The following FLT3 variants were observed in gnomAD, a reference collection of about 807,000 sequenced individuals.
The protein encoded by FLT3 is receptor-type tyrosine-protein kinase FLT3.
In FLT3, 46 loss-of-function variants were observed where a neutral mutation model predicts 126.6. That is an observed-to-expected ratio of 0.36 (90% CI 0.29 to 0.46). FLT3 has a LOEUF of 0.46. FLT3 is among the 20% of genes least tolerant of loss of function. The pLI is 1.00. For missense variants in FLT3, 1,069 were observed against 1,190.3 expected (o/e 0.90, Z 1.50); for synonymous variants, 404 against 434.4 (o/e 0.93, Z 0.87).
rs1264269565 is a variant in FLT3, at chr13:28,072,921, C to T, written c.44-2309G>A. ...TCGGGAGGCTGAGGCAGGAGAATAGCGTAAACCCGGGAGGCGGAGCTTGCA... is the reference window on the plus strand; with the variant it reads ...TCGGGAGGCTGAGGCAGGAGAATAGTGTAAACCCGGGAGGCGGAGCTTGCA... On this transcript the variant is annotated intron_variant, in intron 1 of 23. Coordinates refer to ENST00000241453, the MANE Select transcript of FLT3 (RefSeq NM_004119.3). 2.0e-5 allele frequency among the ~76,000 whole-genome samples: 3 copies of T among 152,112 alleles called. 1 individual carries two copies. The highest frequency in any genetic ancestry group is 6.8e-3 in the Middle Eastern group (2 of 294).
chr13:28,049,284 G>A (rs1007995579), intron 8 of FLT3, 100 bp downstream of exon 8: 22 of 1,058,662 alleles, frequency 2.1e-5, no homozygotes, highest in Non-Finnish European at 2.9e-5. Flanking sequence ...GTGTTTGATA[G>A]TAGCATTATA....
intron 1 of FLT3, among the ~76,000 whole-genome samples, chr13:28,097,970 C>T (rs1456403977): frequency 6.6e-6 from 1 of 152,086 alleles, no homozygotes; most frequent in Non-Finnish European, 1.5e-5. Flanking sequence ...ATGTTCCTCT[C>T]CTTCAAATGC....
chr13:28,098,953 A>G (rs1316085586), intron 1 of FLT3, among the ~76,000 whole-genome samples: 1 of 152,120 alleles, frequency 6.6e-6, no homozygotes, highest in African/African-American at 2.4e-5. Flanking sequence ...CTACCTGGGG[A>G]GGGGGTACTG....
chr13:28,066,546 T>C (rs1405949286), intron 2 of FLT3, among the ~76,000 whole-genome samples: 1 of 152,160 alleles, frequency 6.6e-6, no homozygotes, highest in African/African-American at 2.4e-5. Flanking sequence ...AAAACTGAAG[T>C]AGTTCCTAAT....
In FLT3 at chr13:28,048,439, C is replaced by A; in HGVS notation, c.1041G>T (p.Lys347Asn). 1 of 1,589,760 alleles carries A rather than the reference C, an allele frequency of 6.3e-7. No homozygotes were observed. Among genetic ancestry groups the A allele is most frequent in the South Asian group, 1.1e-5 (1 of 89,554 alleles). ...TTGAATTGGTAGCATTTATAAATCC[C>A]TTTTCTGTAAGAAAAAATAGGCATT... Reference protein sequence around the residue: ...SQSALVTIVEKGFINATNSSE... With the variant: ...SQSALVTIVENGFINATNSSE... Residue 347 changes from lysine (K) to asparagine (N), a missense_variant, in exon 9 of 24, where the codon AAG becomes AAT. Physicochemically the swap from Lys to Asn is moderately conservative, Grantham distance 94. Transcript: ENST00000241453.
At chr13:28,050,279 T>G in intron 5 of FLT3, 57 bp from the exon 6 acceptor site, 1 of 1,560,170 alleles carries the variant, frequency 6.4e-7, no homozygotes. Context: ...TACAAATGAA[T>G]GCTCAAGAGG....
rs35748326 is a variant in FLT3 at position 28,065,645 on chromosome 13, G to GTAATAATAA, written c.166-3585_166-3577dup. 4.1e-3 allele frequency among the ~76,000 whole-genome samples: 445 copies of GTAATAATAA among 108,300 alleles called. 16 individuals are homozygous for GTAATAATAA. The highest frequency in any genetic ancestry group is 0.019 in the Middle Eastern group (4 of 210). 71.0% of individuals were successfully genotyped at this position (108,300 alleles called of 152,430 possible). Reference sequence around the variant, plus strand: ...CAACGGAGCGAGATCTTGTCTCAAAGTAATAATAATAATAATAATAATAAT... The same window carrying GTAATAATAA: ...CAACGGAGCGAGATCTTGTCTCAAAGTAATAATAATAATAATAATAATAATAATAATAAT... On this transcript the variant is annotated intron_variant, in intron 2 of 23. Transcript: ENST00000241453.
At chr13:28,087,481 T>G (rs1471938638) in intron 1 of FLT3, among the ~76,000 whole-genome samples, 1 of 152,226 alleles carries the variant, frequency 6.6e-6, no homozygotes, top group East Asian at 1.9e-4. Flanking sequence ...TTAACCAATT[T>G]GATGATAATT....
At chr13:28,024,129 C>A (rs1220427175) in intron 18 of FLT3, among the ~76,000 whole-genome samples, 2 of 98,804 alleles carry the variant, frequency 2.0e-5, no homozygotes, top group Non-Finnish European at 4.7e-5. Context: ...CTTTTTTTTT[C>A]TTTCTTTCTT....
chr13:28,047,294 C>T (rs4771206), intron 9 of FLT3, among the ~76,000 whole-genome samples: 144,026 of 152,274 alleles, frequency 0.95, 68,640 homozygotes, highest in East Asian at 1. Flanking sequence ...TGTCTCATAG[C>T]CTAGTCCAAA....
chr13:28,026,943 T>C (rs775629805), intron 17 of FLT3, 145 bp downstream of exon 17: 3 of 699,676 alleles, frequency 4.3e-6, no homozygotes, highest in South Asian at 3.6e-5. Flanking sequence ...AGGGAAACTA[T>C]AGCAAAGATT....
intron 23 of FLT3, among the ~76,000 whole-genome samples, chr13:28,012,472 C>T (rs532676908): frequency 8.5e-5 from 13 of 152,234 alleles, no homozygotes; most frequent in African/African-American, 3.1e-4. Context: ...CAGCCATCTA[C>T]TTGCCACTCT....
In FLT3 at chr13:28,020,593, G is replaced by A. The variant is rs886656033; in HGVS notation, c.2419-2004C>T. Among the ~76,000 whole-genome samples the A allele has an allele frequency of 4.6e-5, 7 of 152,040 alleles. No individual in the cohort carries two copies. The South Asian group carries it at 8.3e-4, about 18-fold the overall frequency. On this transcript the variant is annotated intron_variant, in intron 19 of 23. Coordinates refer to ENST00000241453, the MANE Select transcript of FLT3 (RefSeq NM_004119.3). ...AACTCTTGGCCTCAAGCAATCCACCGTCTCAACCTCCCAAAGTGCTGGGAC... is the reference window on the plus strand; with the variant it reads ...AACTCTTGGCCTCAAGCAATCCACCATCTCAACCTCCCAAAGTGCTGGGAC...
At chr13:28,080,048 G>A (rs1241815399) in intron 1 of FLT3, among the ~76,000 whole-genome samples, 1 of 152,076 alleles carries the variant, frequency 6.6e-6, no homozygotes, top group African/African-American at 2.4e-5. Context: ...CCACCCCCAG[G>A]ACCCAAACAC....
chr13:28,011,324 G>A (rs1408337575), intron 23 of FLT3, among the ~76,000 whole-genome samples: 1 of 143,826 alleles, frequency 7.0e-6, no homozygotes, highest in Non-Finnish European at 1.5e-5. Flanking sequence ...AAAAAGAAAA[G>A]AGGAGAGGAG....
chr13:28,087,439 A>C (rs1445367757), intron 1 of FLT3, among the ~76,000 whole-genome samples: 2 of 152,068 alleles, frequency 1.3e-5, no homozygotes, highest in African/African-American at 2.4e-5. Context: ...TTTTCTCTGG[A>C]TGCTTTTAAG....
chr13:28,065,628 C>T (rs138106180), intron 2 of FLT3, among the ~76,000 whole-genome samples: 7,601 of 141,050 alleles, frequency 0.054, 26 homozygotes, highest in Middle Eastern at 0.1. Flanking sequence ...GACAACGGAG[C>T]GAGATCTTGT....
intron 19 of FLT3, 113 bp downstream of exon 19, chr13:28,023,237 G>T: frequency 9.1e-7 from 1 of 1,098,104 alleles, no homozygotes; most frequent in Non-Finnish European, 1.3e-6. Context: ...ACAGTGAACA[G>T]GGGAGAAAAG....
chr13:28,099,349 CTATT>C (rs1378468175), intron 1 of FLT3, among the ~76,000 whole-genome samples: 2 of 152,208 alleles, frequency 1.3e-5, no homozygotes, highest in African/African-American at 4.8e-5. Context: ...GTAAAGATAA[CTATT>C]TAAGAACTAA....
Sources: gnomAD v4.1 joint callset for allele counts (sites outside exome capture counted in the v4.1 genomes callset) on GRCh38, gnomAD v4.1.1 for gene constraint, MANE v1.5 for transcripts, NCBI Gene and HGNC (gene_info 2026-07-23, HGNC 2026-07-21) for gene names.